ZBTB11: variants seen among roughly 807,000 people sequenced by gnomAD.
ZBTB11 encodes the protein zinc finger and BTB domain-containing protein 11.
Under a neutral mutation model 113.1 loss-of-function variants are expected in ZBTB11, and 68 were observed. The observed-to-expected ratio is 0.60, with a 90% CI of 0.49 to 0.74. The LOEUF (loss-of-function observed/expected upper bound fraction) is 0.74. ZBTB11 is among the 30% of genes least tolerant of loss of function. ZBTB11 has a pLI of 0.00. For synonymous variants in ZBTB11, 518 were observed against 452.6 expected (o/e 1.14, Z -1.83); for missense variants, 1,104 against 1,279.4 (o/e 0.86, Z 2.09).
chr3:101,668,403 A>C (rs1026616614), intron 3 of ZBTB11, among the ~76,000 whole-genome samples: 1 of 152,142 alleles, frequency 6.6e-6, no homozygotes, highest in Non-Finnish European at 1.5e-5. Context: ...TGAGAGGGTG[A>C]GGCAGGAGGA....
intron 9 of ZBTB11, 23 bp downstream of exon 9, chr3:101,652,757 A>G: frequency 6.2e-7 from 1 of 1,609,744 alleles, no homozygotes; most frequent in Non-Finnish European, 8.5e-7. Flanking sequence ...AATTAAGTTC[A>G]GCTCCTTCTC....
At position 101,676,549 on chromosome 3, in the gene ZBTB11, G is replaced by C; in HGVS notation, c.310+56C>G. 4 of 1,431,542 alleles carry C rather than the reference G, an allele frequency of 2.8e-6. No homozygotes were observed. In the South Asian group the frequency reaches 4.5e-5, roughly 16 times the overall value. The allele number at this position is 1,431,542 out of a possible 1,614,324, so 88.7% of individuals were successfully genotyped here. On this transcript the variant is annotated intron_variant, in intron 1 of 10. Coordinates refer to ENST00000312938, the MANE Select transcript of ZBTB11 (RefSeq NM_014415.4). ...GGGTACGCATAGGCCTCGCCAGCGA[G>C]CCTTGCCCAGGCAACGAGTCGCCAG...
At chr3:101,668,323 T>A (rs1937029152) in intron 3 of ZBTB11, among the ~76,000 whole-genome samples, 1 of 151,956 alleles carries the variant, frequency 6.6e-6, no homozygotes, top group African/African-American at 2.4e-5. Context: ...TTAACAACAG[T>A]TTATGGTATA....
intron 2 of ZBTB11, 131 bp downstream of exon 2, chr3:101,671,847 T>C (rs1395822515): frequency 2.8e-6 from 2 of 712,088 alleles, no homozygotes; most frequent in Non-Finnish European, 2.5e-6. Context: ...TCAGCTTATA[T>C]AACACAGTAC....
chr3:101,675,823 C>T (rs1180123548), intron 1 of ZBTB11, among the ~76,000 whole-genome samples: 1 of 152,100 alleles, frequency 6.6e-6, no homozygotes, highest in East Asian at 1.9e-4. Context: ...AGCTGGGCGC[C>T]GTGGCTCATG....
At chr3:101,660,643 G>C (rs942994293) in intron 5 of ZBTB11, among the ~76,000 whole-genome samples, 3 of 152,042 alleles carry the variant, frequency 2.0e-5, no homozygotes, top group Admixed American at 6.6e-5. Flanking sequence ...CACACATAAT[G>C]GAAGTTGATT....
intron 3 of ZBTB11, among the ~76,000 whole-genome samples, chr3:101,666,943 G>A (rs1937006334): frequency 6.6e-6 from 1 of 152,092 alleles, no homozygotes; most frequent in Non-Finnish European, 1.5e-5. Context: ...TAGAGACGGG[G>A]TTTCACCATA....
At chr3:101,657,977 G>T (rs1284512408) in intron 6 of ZBTB11, among the ~76,000 whole-genome samples, 3 of 152,008 alleles carry the variant, frequency 2.0e-5, no homozygotes, top group African/African-American at 7.2e-5. Flanking sequence ...TTCCGGCCTG[G>T]GTAATAAGAA....
intron 1 of ZBTB11, 26 bp downstream of exon 1, chr3:101,676,579 C>A (rs747806075): frequency 2.7e-6 from 4 of 1,463,032 alleles, no homozygotes; most frequent in Non-Finnish European, 3.6e-6. Context: ...CGCCAGCCCG[C>A]CCCCTCGCCG....
chr3:101,661,955 AC>A (rs1333370057), intron 5 of ZBTB11: 1 of 151,714 alleles, frequency 6.6e-6, no homozygotes. Context: ...ATATTTTCCA[AC>A]TTTTCTGAGA....
chr3:101,674,034 GT>G (rs34193191), intron 1 of ZBTB11, among the ~76,000 whole-genome samples: 73 of 139,690 alleles, frequency 5.2e-4, no homozygotes, highest in South Asian at 6.7e-4. Flanking sequence ...CACAGAGACT[GT>G]TTTTTTTTTT....
In ZBTB11 at chr3:101,671,281, A is replaced by G; in HGVS notation, c.627T>C (p.Leu209=). Reference sequence around the variant, plus strand: ...AAGTAACATCACAGAACTGGTTGGAAAGTCTCTGTTCGTTCAGCTGTTTTA... The same window carrying G: ...AAGTAACATCACAGAACTGGTTGGAGAGTCTCTGTTCGTTCAGCTGTTTTA... ...AVLKQLNEQR[L]SNQFCDVTLL... is the part of the protein sequence containing the mutation. Residue 209 remains leucine, a synonymous_variant, in exon 3 of 11, where the codon CTT becomes CTC. Coordinates refer to ENST00000312938, the MANE Select transcript of ZBTB11 (RefSeq NM_014415.4). 1 of 1,614,194 alleles carries G rather than the reference A, an allele frequency of 6.2e-7. No individual in the cohort carries two copies. Among genetic ancestry groups the G allele is most frequent in the Non-Finnish European group, 8.5e-7 (1 of 1,180,022 alleles).
At chr3:101,672,497 A>C (rs1416947520) in intron 1 of ZBTB11, among the ~76,000 whole-genome samples, 1 of 152,242 alleles carries the variant, frequency 6.6e-6, no homozygotes, top group Non-Finnish European at 1.5e-5. Flanking sequence ...TGTGAGTTGC[A>C]ATGTTTTCAT....
At chr3:101,675,989 ACTT>A (rs1378649150) in intron 1 of ZBTB11, among the ~76,000 whole-genome samples, 1 of 152,068 alleles carries the variant, frequency 6.6e-6, no homozygotes, top group African/African-American at 2.4e-5. Context: ...TTTTACATTT[ACTT>A]CTTGTTCTTA....
rs931412101 is a variant in ZBTB11 at position 101,652,832 on chromosome 3, T to G, written c.2416A>C (p.Lys806Gln). ...TTCACATGGGAATACCAATCTTTCTTCCAACTATAGCACTTATCACAAAAT... is the reference window on the plus strand; with the variant it reads ...TTCACATGGGAATACCAATCTTTCTGCCAACTATAGCACTTATCACAAAAT... The part of the protein sequence containing the change: ...CQFCDKCYSW[K>Q]KDWYSHVKSH... Residue 806 changes from lysine to glutamine, a missense_variant, in exon 9 of 11, where the codon AAG becomes CAG. By Grantham distance (53) the Lys-to-Gln change is moderately conservative. This residue lies in a region of ZBTB11 where 148 missense variants were observed against 259.3 expected (regional missense o/e 0.57). Coordinates refer to ENST00000312938, the MANE Select transcript of ZBTB11 (RefSeq NM_014415.4). 1 of 1,614,108 alleles carries G rather than the reference T, an allele frequency of 6.2e-7. No individual in the cohort carries two copies. The highest frequency in any genetic ancestry group is 8.5e-7 in the Non-Finnish European group (1 of 1,180,002).
In ZBTB11 at chr3:101,676,602, C is replaced by T; in HGVS notation, c.310+3G>A. On this transcript the variant is annotated splice_donor_region_variant and intron_variant, in intron 1 of 10. Transcript: ENST00000312938. ...CGCCCCCTCGCCGCGGGCTAGGTCTCACCTCGCCACCAGTACGTCTTGGAC... is the reference window on the plus strand; with the variant it reads ...CGCCCCCTCGCCGCGGGCTAGGTCTTACCTCGCCACCAGTACGTCTTGGAC... The T allele has an allele frequency of 6.7e-7, 1 of 1,498,720 alleles. No homozygotes were observed. Among genetic ancestry groups the T allele is most frequent in the Non-Finnish European group, 8.9e-7 (1 of 1,123,130 alleles). 92.8% of individuals were successfully genotyped at this position (1,498,720 alleles called of 1,614,324 possible).
intron 5 of ZBTB11, among the ~76,000 whole-genome samples, chr3:101,663,861 G>C (rs1189153180): frequency 1.3e-5 from 2 of 152,164 alleles, no homozygotes; most frequent in African/African-American, 4.8e-5. Context: ...CTGCACTCTA[G>C]CCTGGGTGAC....
chr3:101,672,281 T>C (rs753659710), intron 1 of ZBTB11, 68 bp from the exon 2 acceptor site: 4 of 1,120,684 alleles, frequency 3.6e-6, no homozygotes, highest in Admixed American at 2.3e-5. Context: ...TTATTTAGTC[T>C]GTGCACATTA....
chr3:101,671,721 A>G (rs932922526), intron 2 of ZBTB11: 3 of 594,804 alleles, frequency 5.0e-6, no homozygotes, highest in Non-Finnish European at 8.9e-6. Context: ...GTCTACTTGT[A>G]CCAATATATC....
Sources: gnomAD v4.1 joint callset for allele counts (sites outside exome capture counted in the v4.1 genomes callset) on GRCh38, gnomAD v4.1.1 for gene constraint, gnomAD v4.1.1 regional missense constraint, MANE v1.5 for transcripts, NCBI Gene and HGNC (gene_info 2026-07-23, HGNC 2026-07-21) for gene names.